Variants in BRAP observed in about 807,000 individuals in gnomAD.
BRAP encodes the protein BRCA1 associated protein.
A neutral mutation model predicts 73.4 loss-of-function variants in BRAP; 42 were observed. The ratio of observed to expected loss-of-function variants is 0.57; its 90% CI spans 0.45 to 0.74. The LOEUF (loss-of-function observed/expected upper bound fraction) is 0.74, where lower values mean the gene tolerates loss of function less well. Ranked by LOEUF, BRAP falls within the 30% of genes least tolerant of loss-of-function variation. The probability of loss-of-function intolerance (pLI) is 0.00; values close to 1 mark genes in which losing one functional copy is unlikely to be tolerated. For synonymous variants in BRAP, 255 were observed against 267.4 expected (o/e 0.95, Z 0.45); for missense variants, 593 against 751.4 (o/e 0.79, Z 2.46).
chr12:111,683,187 T>G lies in BRAP; in HGVS notation c.203A>C (p.Glu68Ala). Reference sequence around the variant, plus strand: ...GGTCTCAATGATCACATCTGTCATTTCTCGACGGCCGAGATGCTGATGGAT... The same window carrying G: ...GGTCTCAATGATCACATCTGTCATTGCTCGACGGCCGAGATGCTGATGGAT... ...AIIHQHLGRR[E>A]MTDVIIETMK... Residue 68 changes from glutamate (E) to alanine (A), a missense_variant, in exon 2 of 12, where the codon GAA (glutamate) becomes GCA (alanine). This residue lies in a region of BRAP where 304 missense variants were observed against 337.7 expected (regional missense o/e 0.90). Transcript: ENST00000419234. 1 of 1,614,166 alleles carries G rather than the reference T, an allele frequency of 6.2e-7. No homozygotes were observed. The highest frequency in any genetic ancestry group is 8.5e-7 in the Non-Finnish European group (1 of 1,180,012).
intron 6 of BRAP, among the ~76,000 whole-genome samples, chr12:111,663,261 T>C (rs1245107816): frequency 3.3e-5 from 5 of 151,954 alleles, no homozygotes; most frequent in Non-Finnish European, 7.4e-5. Context: ...CGAGACCAGC[T>C]GGGCCAACAT....
rs566295750 is a variant in BRAP, at chr12:111,679,421, G to T, written c.444-81C>A. The T allele has an allele frequency of 6.2e-6, 6 of 969,736 alleles. No individual in the cohort carries two copies. The African/African-American group carries it at 8.3e-5, about 13-fold the overall frequency. The allele number at this position is 969,736 out of a possible 1,614,324, so 60.1% of individuals were successfully genotyped here. ...AATACTAGACAACTTTTATGTCCAAGAAAACAGGAAAAAATAAAAATTGTA... is the reference window on the plus strand; with the variant it reads ...AATACTAGACAACTTTTATGTCCAATAAAACAGGAAAAAATAAAAATTGTA... On this transcript the variant is annotated intron_variant, in intron 3 of 11. Coordinates refer to ENST00000419234, the MANE Select transcript of BRAP (RefSeq NM_006768.5).
In BRAP at chr12:111,642,861, C is replaced by G. The variant is rs1885951122; in HGVS notation, c.*1338G>C. The G allele has an allele frequency of 6.6e-6, 1 of 152,150 alleles. No homozygotes were observed. Among genetic ancestry groups the G allele is most frequent in the Non-Finnish European group, 1.5e-5 (1 of 68,032 alleles). The allele number at this position is 152,150 out of a possible 1,614,324, so 9.4% of individuals were successfully genotyped here. A position where few individuals can be genotyped will look rare whatever the true frequency, so the allele number is the denominator to read the frequency against. On this transcript the variant is annotated 3_prime_UTR_variant, in exon 12 of 12. Coordinates refer to ENST00000419234, the MANE Select transcript of BRAP (RefSeq NM_006768.5). ...CAAAAACAGATGGTGATTAGTGATA[C>G]AGTTGATGTGCTAACAAGTAACATG...
intron 5 of BRAP, chr12:111,670,110 G>T: frequency 1.6e-6 from 1 of 617,206 alleles, no homozygotes; most frequent in South Asian, 1.4e-5. Flanking sequence ...TGGCTTATTT[G>T]ATCCAAGTTT....
chr12:111,681,543 C>T, intron 3 of BRAP, 94 bp downstream of exon 3: 1 of 998,910 alleles, frequency 1.0e-6, no homozygotes, highest in Non-Finnish European at 1.4e-6. Context: ...GCTTAAAATA[C>T]CCACTTTCCT....
intron 4 of BRAP, chr12:111,672,998 A>G: frequency 2.2e-6 from 1 of 458,222 alleles, no homozygotes. Context: ...GCTACAACAG[A>G]GTTTTTACCT....
chr12:111,668,202 G>A (rs12317236), intron 5 of BRAP, among the ~76,000 whole-genome samples: 1 of 152,138 alleles, frequency 6.6e-6, no homozygotes, highest in Non-Finnish European at 1.5e-5. Context: ...GCAAGACTCC[G>A]TCTGGGTCGG....
At chr12:111,663,524 T>C (rs2135911359) in intron 6 of BRAP, among the ~76,000 whole-genome samples, 1 of 152,290 alleles carries the variant, frequency 6.6e-6, no homozygotes, top group East Asian at 1.9e-4. Context: ...AATTATTTTA[T>C]CCTATTTTCC....
intron 4 of BRAP, among the ~76,000 whole-genome samples, chr12:111,674,644 G>A (rs868136621): frequency 1.3e-5 from 2 of 152,192 alleles, no homozygotes; most frequent in African/African-American, 2.4e-5. Context: ...GCAGCAGGTC[G>A]GGGTGGAGAG....
chr12:111,679,543 A>G (rs907206997), intron 3 of BRAP, among the ~76,000 whole-genome samples: 6 of 152,066 alleles, frequency 3.9e-5, no homozygotes, highest in East Asian at 3.8e-4. Context: ...CATTCGGTAA[A>G]TTTGCAGTGT....
In BRAP at chr12:111,644,175, C is replaced by T. The variant is rs773362066; in HGVS notation, c.*24G>A. 1.3e-6 allele frequency: 2 copies of T among 1,597,566 alleles called. No homozygotes were observed. The highest frequency in any genetic ancestry group is 1.1e-5 in the South Asian group (1 of 90,118). On this transcript the variant is annotated 3_prime_UTR_variant, in exon 12 of 12. Transcript: ENST00000419234. ...CTCACAGTGTCAGGGAGAACAGTCT[C>T]AGGGATGTCTGTTGCTCTGAAGGTC... is the stretch of plus-strand genomic sequence containing the variant.
intron 6 of BRAP, among the ~76,000 whole-genome samples, chr12:111,663,837 C>T (rs576688917): frequency 1.3e-5 from 2 of 152,300 alleles, no homozygotes; most frequent in East Asian, 3.9e-4. Flanking sequence ...AATGGCATGT[C>T]TTACATCCCA....
At chr12:111,657,196 A>T (rs545981470) in intron 9 of BRAP, among the ~76,000 whole-genome samples, 2 of 151,896 alleles carry the variant, frequency 1.3e-5, no homozygotes, top group East Asian at 3.9e-4. Flanking sequence ...GGCGCCCACC[A>T]CCACACCCAA....
At position 111,672,791 on chromosome 12, in the gene BRAP, G is replaced by A; in HGVS notation, c.634-17C>T. 1.3e-6 allele frequency: 2 copies of A among 1,592,512 alleles called. No individual in the cohort carries two copies. Among genetic ancestry groups the A allele is most frequent in the Admixed American group, 1.7e-5 (1 of 58,126 alleles). ...CGCATCAGCCTATGTACACCAATGGGGAAAAGGAAAAAAATTAAGACAGAT... is the reference window on the plus strand; with the variant it reads ...CGCATCAGCCTATGTACACCAATGGAGAAAAGGAAAAAAATTAAGACAGAT... On this transcript the variant is annotated splice_polypyrimidine_tract_variant and intron_variant, in intron 4 of 11. Transcript: ENST00000419234.
At chr12:111,666,129 C>G (rs531657772) in intron 5 of BRAP, among the ~76,000 whole-genome samples, 2 of 152,188 alleles carry the variant, frequency 1.3e-5, no homozygotes, top group Non-Finnish European at 2.9e-5. Flanking sequence ...TTCATTCATT[C>G]AAGAAACAGG....
intron 11 of BRAP, among the ~76,000 whole-genome samples, chr12:111,647,357 G>C (rs575171965): frequency 6.6e-6 from 1 of 152,114 alleles, no homozygotes; most frequent in Non-Finnish European, 1.5e-5. Context: ...GATAGATTTA[G>C]ATGTGCTAGT....
intron 1 of BRAP, 26 bp from the exon 2 acceptor site, chr12:111,683,333 C>T (rs746152686): frequency 1.9e-6 from 3 of 1,583,492 alleles, no homozygotes; most frequent in Admixed American, 1.9e-5. Flanking sequence ...ATGATTAATA[C>T]AAGGTAATAA....
chr12:111,664,679 C>G (rs552966919), intron 6 of BRAP, among the ~76,000 whole-genome samples: 2 of 152,236 alleles, frequency 1.3e-5, no homozygotes, highest in Non-Finnish European at 2.9e-5. Context: ...GCATGGCCCC[C>G]GCTCTGTGAA....
chr12:111,684,618 G>A (rs1262252567), intron 1 of BRAP, among the ~76,000 whole-genome samples: 1 of 151,624 alleles, frequency 6.6e-6, no homozygotes, highest in Admixed American at 6.6e-5. Flanking sequence ...CAGAGACGCT[G>A]TCTGATTCAG....
Sources: gnomAD v4.1 joint callset for allele counts (sites outside exome capture counted in the v4.1 genomes callset) on GRCh38, gnomAD v4.1.1 for gene constraint, gnomAD v4.1.1 regional missense constraint, MANE v1.5 for transcripts, NCBI Gene and HGNC (gene_info 2026-07-23, HGNC 2026-07-21) for gene names.